Variants in WASHC5 observed in about 807,000 individuals in gnomAD.
WASHC5 encodes WASH complex subunit 5.
A neutral mutation model predicts 150.4 loss-of-function variants in WASHC5; 101 were observed. That is an observed-to-expected ratio of 0.67 (90% CI 0.57 to 0.79). The LOEUF is 0.79. Among genes scored for constraint, WASHC5 ranks in the 30% least tolerant of loss-of-function variants. WASHC5 has a pLI of 0.00. For missense variants in WASHC5, 1,195 were observed against 1,396.3 expected, an observed-to-expected ratio of 0.86 and a Z score of 2.30; for synonymous variants, 467 against 491.2, an observed-to-expected ratio of 0.95 and a Z score of 0.65.
At position 125,059,101 on chromosome 8, in the gene WASHC5, A is replaced by T. The variant is rs566341305; in HGVS notation, c.1764+121T>A. On this transcript the variant is annotated intron_variant, in intron 14 of 28. Coordinates refer to ENST00000318410, the MANE Select transcript of WASHC5 (RefSeq NM_014846.4). ...AAAACTGCTAACAATTTCAGTCTATAAAAATATTGAAATTATTTACCTTCC... is the reference window on the plus strand; with the variant it reads ...AAAACTGCTAACAATTTCAGTCTATTAAAATATTGAAATTATTTACCTTCC... The T allele has an allele frequency of 1.6e-5, 12 of 757,368 alleles. No individual in the cohort carries two copies. The African/African-American group carries it at 2.1e-4, about 13-fold the overall frequency. The allele number at this position is 757,368 out of a possible 1,614,324, so 46.9% of individuals were successfully genotyped here.
At chr8:125,071,483 A>C (rs1272046693) in intron 9 of WASHC5, among the ~76,000 whole-genome samples, 1 of 152,136 alleles carries the variant, frequency 6.6e-6, no homozygotes, top group East Asian at 1.9e-4. Context: ...GTGGGCCCAT[A>C]TGTTTTTCTG....
intron 17 of WASHC5, among the ~76,000 whole-genome samples, chr8:125,055,081 G>A (rs976919042): frequency 6.6e-6 from 1 of 151,896 alleles, no homozygotes; most frequent in Non-Finnish European, 1.5e-5. Context: ...CTACCTTCAA[G>A]TACTAAGAGA....
At chr8:125,091,217 C>T (rs957668376) in intron 1 of WASHC5, among the ~76,000 whole-genome samples, 6 of 151,968 alleles carry the variant, frequency 3.9e-5, no homozygotes, top group Admixed American at 6.6e-5. Flanking sequence ...AATGACTTGC[C>T]CAAACTCACA....
At chr8:125,049,909 T>G (rs145598303) in intron 18 of WASHC5, among the ~76,000 whole-genome samples, 179 of 151,974 alleles carry the variant, frequency 1.2e-3, no homozygotes, top group African/African-American at 4.0e-3. Flanking sequence ...TACTTTAAGT[T>G]TTGGAATACT....
At chr8:125,037,969 G>A (rs1815766218) in intron 25 of WASHC5, among the ~76,000 whole-genome samples, 1 of 152,128 alleles carries the variant, frequency 6.6e-6, no homozygotes, top group African/African-American at 2.4e-5. Flanking sequence ...AGAAGCAGGG[G>A]CTCTGGTCAG....
chr8:125,027,111 G>T lies in WASHC5; in HGVS notation c.3423+1509C>A, dbSNP rs148230442. Among the ~76,000 whole-genome samples, 7 of 152,166 alleles carry T rather than the reference G, an allele frequency of 4.6e-5. No individual in the cohort carries two copies. In the East Asian group the frequency reaches 1.4e-3, roughly 29 times the overall value. ...CATTGCCTTGTTATTTCTGTGAATAGGTCCTTTTTCACACTGTATTTTTTA... is the reference window on the plus strand; with the variant it reads ...CATTGCCTTGTTATTTCTGTGAATATGTCCTTTTTCACACTGTATTTTTTA... On this transcript the variant is annotated intron_variant, in intron 28 of 28. Transcript: ENST00000318410.
chr8:125,083,246 A>C lies in WASHC5; in HGVS notation c.199T>G (p.Trp67Gly), dbSNP rs767336696. 3.7e-6 allele frequency: 6 copies of C among 1,613,130 alleles called. No individual in the cohort carries two copies. The African/African-American group carries it at 8.0e-5, about 22-fold the overall frequency. Residue 67 changes from tryptophan to glycine, a missense_variant, in exon 3 of 29, where the codon TGG becomes GGG. By Grantham distance (184) the Trp-to-Gly change is radical. Transcript: ENST00000318410. Reference protein sequence around the residue: ...DFSYFKGPELWESKLDAKPEL... With the variant: ...DFSYFKGPELGESKLDAKPEL... ...GGCTTAGCATCCAGTTTGCTTTCCC[A>C]TAATTCTGGACCCTGAGAAAAAAAA...
chr8:125,087,421 G>A (rs1018551369), intron 1 of WASHC5, among the ~76,000 whole-genome samples: 1 of 152,086 alleles, frequency 6.6e-6, no homozygotes, highest in African/African-American at 2.4e-5. Context: ...AGTAGGTGAG[G>A]GAACAATCTT....
chr8:125,034,840 G>A (rs1178356177), intron 26 of WASHC5, among the ~76,000 whole-genome samples: 1 of 152,202 alleles, frequency 6.6e-6, no homozygotes, highest in Admixed American at 6.5e-5. Context: ...GAAAGCAAGA[G>A]TGATGTTAAC....
chr8:125,039,499 G>A lies in WASHC5; in HGVS notation c.2954+296C>T, dbSNP rs184538335. On this transcript the variant is annotated intron_variant, in intron 24 of 28. Coordinates refer to ENST00000318410, the MANE Select transcript of WASHC5 (RefSeq NM_014846.4). Reference sequence around the variant, plus strand: ...GCAGTGTCTGGTGTGTCTCTCACTCGCTCTCTCTAATGAATTCATTTGTTC... The same window carrying A: ...GCAGTGTCTGGTGTGTCTCTCACTCACTCTCTCTAATGAATTCATTTGTTC... 5.3e-5 allele frequency among the ~76,000 whole-genome samples: 8 copies of A among 152,168 alleles called. No homozygotes were observed. In the East Asian group the frequency reaches 1.4e-3, roughly 26 times the overall value.
chr8:125,063,397 A>G lies in WASHC5; in HGVS notation c.1408+125T>C, dbSNP rs912443528. 3 of 1,076,096 alleles carry G rather than the reference A, an allele frequency of 2.8e-6. No homozygotes were observed. In the African/African-American group the frequency reaches 4.7e-5, roughly 17 times the overall value. 66.7% of individuals were successfully genotyped at this position (1,076,096 alleles called of 1,614,324 possible). On this transcript the variant is annotated intron_variant, in intron 11 of 28. Transcript: ENST00000318410. ...CCTTCAGATCTTTATTAGCAACACT[A>G]AAGATGGAATATCATAGGATACAAT...
chr8:125,077,045 C>T (rs2130182504), intron 6 of WASHC5, among the ~76,000 whole-genome samples: 1 of 152,344 alleles, frequency 6.6e-6, no homozygotes, highest in Non-Finnish European at 1.5e-5. Context: ...ACTCTCTCTT[C>T]TCAATCTCCT....
At position 125,043,618 on chromosome 8, in the gene WASHC5, C is replaced by T. The variant is rs78501711; in HGVS notation, c.2850+207G>A. ...AGTTTTCTTGAACAAAAGGAAAACG[C>T]TAGGCTCCTAAAAAGCCTAATCAAG... On this transcript the variant is annotated intron_variant, in intron 23 of 28. Coordinates refer to ENST00000318410, the MANE Select transcript of WASHC5 (RefSeq NM_014846.4). Among the ~76,000 whole-genome samples, 4,273 of 152,252 alleles carry T rather than the reference C, an allele frequency of 0.028. 207 individuals are homozygous for T. The highest frequency in any genetic ancestry group is 0.099 in the African/African-American group (4,094 of 41,532).
rs891005432 is a variant in WASHC5 at position 125,024,304 on chromosome 8, C to T, written c.*313G>A. ...ATTTTACTGAAAATCTGGAGTTGCA[C>T]AAATAGTTCTTTAGAACATAAAACT... On this transcript the variant is annotated 3_prime_UTR_variant, in exon 29 of 29. Coordinates refer to ENST00000318410, the MANE Select transcript of WASHC5 (RefSeq NM_014846.4). The T allele has an allele frequency of 1.0e-5, 4 of 388,828 alleles. No individual in the cohort carries two copies. Among genetic ancestry groups the T allele is most frequent in the Non-Finnish European group, 4.8e-6 (1 of 210,174 alleles). 24.1% of individuals were successfully genotyped at this position (388,828 alleles called of 1,614,324 possible).
chr8:125,060,358 C>T (rs189586390), intron 12 of WASHC5, among the ~76,000 whole-genome samples: 3,972 of 151,860 alleles, frequency 0.026, 179 homozygotes, highest in African/African-American at 0.092. Flanking sequence ...TGGTGGCAGG[C>T]GCCTGTAGTC....
chr8:125,039,024 T>G, intron 24 of WASHC5, 65 bp from the exon 25 acceptor site: 1 of 1,513,092 alleles, frequency 6.6e-7, no homozygotes, highest in Non-Finnish European at 9.2e-7. Context: ...AGAGTTAATA[T>G]AGGGCAGTGA....
rs1563634032 is a variant in WASHC5 at position 125,078,819 on chromosome 8, G to A, written c.630C>T (p.Ser210=). The change falls in exon 6 of 29, where the codon AGC becomes AGT. Residue 210 remains serine, a synonymous_variant. Coordinates refer to ENST00000318410, the MANE Select transcript of WASHC5 (RefSeq NM_014846.4). ...CGTTGATAGGCACTCTCTGGAAATAGCTCTCGGGATAGTTGGATGGTCTTT... is the reference window on the plus strand; with the variant it reads ...CGTTGATAGGCACTCTCTGGAAATAACTCTCGGGATAGTTGGATGGTCTTT... ...GAKRPSNYPE[S]YFQRVPINES... 2 of 1,613,932 alleles carry A rather than the reference G, an allele frequency of 1.2e-6. No individual in the cohort carries two copies. Among genetic ancestry groups the A allele is most frequent in the Non-Finnish European group, 8.5e-7 (1 of 1,179,900 alleles).
chr8:125,031,631 G>T (rs16900238), intron 27 of WASHC5, among the ~76,000 whole-genome samples: 58,569 of 152,004 alleles, frequency 0.39, 13,380 homozygotes, highest in African/African-American at 0.63. Context: ...CAAAGGTTAT[G>T]TAGCCAGGCT....
intron 26 of WASHC5, 174 bp from the exon 27 acceptor site, chr8:125,032,568 G>A (rs1174898354): frequency 8.2e-6 from 6 of 728,270 alleles, no homozygotes; most frequent in Non-Finnish European, 1.4e-5. Context: ...GGATTGGTAG[G>A]GCATTCCAGG....
Sources: allele counts gnomAD v4.1 joint callset (sites outside exome capture counted in the v4.1 genomes callset), GRCh38; gene constraint gnomAD v4.1.1; transcripts MANE v1.5; gene names NCBI Gene and HGNC (gene_info 2026-07-23, HGNC 2026-07-21).